OSBPL10: variants seen among roughly 807,000 people sequenced by gnomAD.
OSBPL10 encodes oxysterol-binding protein-related protein 10.
Under a neutral mutation model 81.7 loss-of-function variants are expected in OSBPL10, and 49 were observed. The ratio of observed to expected loss-of-function variants is 0.60; its 90% confidence interval spans 0.48 to 0.76. The LOEUF is 0.76. Among genes scored for constraint, OSBPL10 ranks in the 30% least tolerant of loss-of-function variants. The pLI, the probability that OSBPL10 is intolerant of heterozygous loss-of-function variation, is 0.00. For missense variants in OSBPL10, 923 were observed against 987.8 expected (o/e 0.93, Z 0.88); for synonymous variants, 419 against 383.6 (o/e 1.09, Z -1.08).
intron 3 of OSBPL10, among the ~76,000 whole-genome samples, chr3:31,860,868 T>TTG (rs1491209869): frequency 7.5e-6 from 1 of 132,954 alleles, no homozygotes; most frequent in African/African-American, 3.7e-5. Context: ...TTTTTTTTTT[T>TTG]GGGTTTTTTT....
chr3:31,707,590 T>A (rs1696114518), intron 6 of OSBPL10, among the ~76,000 whole-genome samples: 2 of 152,270 alleles, frequency 1.3e-5, no homozygotes, highest in South Asian at 4.1e-4. Context: ...TATGATCTTT[T>A]TGGGGAAATC....
At chr3:31,880,628 C>T (rs1466567260) in intron 1 of OSBPL10, among the ~76,000 whole-genome samples, 2 of 152,224 alleles carry the variant, frequency 1.3e-5, no homozygotes, top group South Asian at 4.1e-4. Context: ...CCCGCCCCTG[C>T]TGACTTTTCT....
intron 3 of OSBPL10, among the ~76,000 whole-genome samples, chr3:31,840,111 T>C (rs1700456713): frequency 2.0e-5 from 3 of 151,970 alleles, no homozygotes; most frequent in Admixed American, 6.6e-5. Context: ...GAAGATACTT[T>C]ATGCCAGTAA....
chr3:31,921,354 C>G (rs773540218), intron 1 of OSBPL10, among the ~76,000 whole-genome samples: 3 of 152,066 alleles, frequency 2.0e-5, no homozygotes, highest in Non-Finnish European at 4.4e-5. Context: ...GAGTCAGGTT[C>G]CTTGGAAAAA....
In OSBPL10 at chr3:31,683,878, G is replaced by C. The variant is rs745630229; in HGVS notation, c.1482C>G (p.Pro494=). 1 of 1,614,210 alleles carries C rather than the reference G, an allele frequency of 6.2e-7. No homozygotes were observed. The highest frequency in any genetic ancestry group is 8.5e-7 in the Non-Finnish European group (1 of 1,180,042). The change falls in exon 8 of 12, where the codon CCC becomes CCG. Residue 494 remains proline (P), a synonymous_variant. Coordinates refer to ENST00000396556, the MANE Select transcript of OSBPL10 (RefSeq NM_017784.5). ...GETFHCSWEV[P]KDRVKPKRTA... ...TCCTCTTAGGCTTGACCCTGTCCTT[G>C]GGAACTTCCCAGGAGCAGTGAAATG...
chr3:31,872,689 T>C (rs567950829), intron 3 of OSBPL10, among the ~76,000 whole-genome samples: 1 of 149,514 alleles, frequency 6.7e-6, no homozygotes, highest in African/African-American at 2.5e-5. Flanking sequence ...TGGTGCAATC[T>C]CAGTTTGATG....
intron 4 of OSBPL10, among the ~76,000 whole-genome samples, chr3:31,810,020 T>C (rs148429833): frequency 0.011 from 1,705 of 152,010 alleles, 32 homozygotes; most frequent in African/African-American, 0.038. Flanking sequence ...TACAGGCATG[T>C]GCCACCACGC....
At chr3:31,761,823 A>AAAAAAAAAAAAAAAAAAAAAAC (rs1553622727) in intron 4 of OSBPL10, among the ~76,000 whole-genome samples, 9 of 149,988 alleles carry the variant, frequency 6.0e-5, no homozygotes, top group African/African-American at 2.3e-4. Context: ...TAAAAAAAAA[A>AAAAAAAAAAAAAAAAAAAAAAC]AAAAAAAACC....
At chr3:31,859,694 C>T (rs922185008) in intron 3 of OSBPL10, among the ~76,000 whole-genome samples, 2 of 152,182 alleles carry the variant, frequency 1.3e-5, no homozygotes, top group African/African-American at 2.4e-5. Context: ...ACATCACTAA[C>T]GTCATCATCA....
At chr3:31,886,812 C>A (rs1022193004) in intron 1 of OSBPL10, among the ~76,000 whole-genome samples, 1 of 152,022 alleles carries the variant, frequency 6.6e-6, no homozygotes, top group Non-Finnish European at 1.5e-5. Context: ...TGGTGGCATG[C>A]ACCTGTACTC....
rs1158041545 is a variant in OSBPL10, at chr3:31,879,849, G to A, written c.282-19C>T. The A allele has an allele frequency of 3.1e-6, 5 of 1,608,038 alleles. No homozygotes were observed. Among genetic ancestry groups the A allele is most frequent in the Non-Finnish European group, 4.2e-6 (5 of 1,177,732 alleles). On this transcript the variant is annotated intron_variant, in intron 1 of 11. Coordinates refer to ENST00000396556, the MANE Select transcript of OSBPL10 (RefSeq NM_017784.5). ...GAAGTACCTGCACAGAGAAACCACA[G>A]TACATCATTTTTCTCTCCTACCCTA...
intron 3 of OSBPL10, among the ~76,000 whole-genome samples, chr3:31,863,693 A>C (rs1701110141): frequency 1.3e-5 from 2 of 152,180 alleles, no homozygotes; most frequent in South Asian, 4.1e-4. Flanking sequence ...GTTCCTTATG[A>C]CTATTAGTTT....
At chr3:31,757,245 C>T (rs558444072) in intron 4 of OSBPL10, among the ~76,000 whole-genome samples, 1 of 152,080 alleles carries the variant, frequency 6.6e-6, no homozygotes, top group Admixed American at 6.6e-5. Flanking sequence ...TAAAGGGAAT[C>T]AAGATAAATA....
At chr3:31,762,628 GC>G (rs1437109374) in intron 4 of OSBPL10, among the ~76,000 whole-genome samples, 3 of 21,122 alleles carry the variant, frequency 1.4e-4, no homozygotes, top group Non-Finnish European at 2.2e-4. Context: ...ACCATGCCCA[GC>G]ATTTTTTTTT....
chr3:31,792,874 G>C (rs1430042842), intron 4 of OSBPL10, among the ~76,000 whole-genome samples: 1 of 83,244 alleles, frequency 1.2e-5, no homozygotes. Flanking sequence ...GTGTGTGTGT[G>C]TGTGTGTGTG....
intron 3 of OSBPL10, among the ~76,000 whole-genome samples, chr3:31,832,982 T>C (rs561831028): frequency 7.2e-5 from 11 of 152,332 alleles, no homozygotes; most frequent in South Asian, 6.2e-4. Context: ...TACCTTGAAA[T>C]ACCGCAGATT....
chr3:31,699,360 G>T (rs1028824273), intron 7 of OSBPL10, among the ~76,000 whole-genome samples: 1 of 152,088 alleles, frequency 6.6e-6, no homozygotes, highest in African/African-American at 2.4e-5. Flanking sequence ...TGCACAACAC[G>T]CCAGACCTTC....
chr3:31,679,039 C>T (rs1700568603), intron 8 of OSBPL10, among the ~76,000 whole-genome samples: 1 of 152,090 alleles, frequency 6.6e-6, no homozygotes, highest in Non-Finnish European at 1.5e-5. Flanking sequence ...GGCCTCTCCT[C>T]TCTGGCTTTA....
intron 6 of OSBPL10, chr3:31,709,177 C>G (rs539899992): frequency 1.0e-4 from 36 of 354,784 alleles, no homozygotes; most frequent in Non-Finnish European, 1.3e-4. Context: ...AGCTGCCTTT[C>G]GGAGATGCTG....
Sources: gnomAD v4.1 joint callset for allele counts (sites outside exome capture counted in the v4.1 genomes callset) on GRCh38, gnomAD v4.1.1 for gene constraint, MANE v1.5 for transcripts, NCBI Gene and HGNC (gene_info 2026-07-23, HGNC 2026-07-21) for gene names.